The following PDE7B variants were observed in gnomAD, a reference collection of about 807,000 sequenced individuals.
PDE7B encodes 3',5'-cyclic-AMP phosphodiesterase 7B.
In PDE7B, 29 loss-of-function variants were observed where a neutral mutation model predicts 56.2. The ratio of observed to expected loss-of-function variants is 0.52; its 90% CI spans 0.38 to 0.70. The LOEUF is 0.70. Ranked by LOEUF, PDE7B falls within the 30% of genes least tolerant of loss-of-function variation. The pLI is 0.00. For synonymous variants in PDE7B, 197 were observed against 196.9 expected (o/e 1.00, Z 0.00); for missense variants, 490 against 565.0 (o/e 0.87, Z 1.35).
chr6:136,135,730 G>A (rs2128445229), intron 3 of PDE7B, among the ~76,000 whole-genome samples: 1 of 152,180 alleles, frequency 6.6e-6, no homozygotes, highest in East Asian at 1.9e-4. Context: ...AAACTTTAAT[G>A]TCTAGAGATG....
intron 2 of PDE7B, among the ~76,000 whole-genome samples, chr6:135,952,655 C>T (rs1774723124): frequency 6.6e-6 from 1 of 152,078 alleles, no homozygotes; most frequent in Admixed American, 6.6e-5. Context: ...ACTCATCTAT[C>T]TAGATATGAA....
intron 2 of PDE7B, among the ~76,000 whole-genome samples, chr6:135,963,677 CA>C (rs1204094281): frequency 1.5e-4 from 23 of 151,088 alleles, no homozygotes; most frequent in Non-Finnish European, 3.1e-4. Flanking sequence ...AAAAAATAAA[CA>C]TGAGAAAGAA....
intron 2 of PDE7B, among the ~76,000 whole-genome samples, chr6:136,080,420 G>A (rs1480316776): frequency 6.6e-6 from 1 of 152,096 alleles, no homozygotes; most frequent in Admixed American, 6.6e-5. Context: ...CCCTTCAGAG[G>A]TTTCCTTTCA....
intron 1 of PDE7B, among the ~76,000 whole-genome samples, chr6:135,925,773 C>A (rs1441429539): frequency 6.6e-6 from 1 of 152,160 alleles, no homozygotes; most frequent in East Asian, 1.9e-4. Flanking sequence ...ACCCAAATAG[C>A]TTTTCAAAAA....
At chr6:136,176,927 T>C (rs1778987059) in intron 9 of PDE7B, among the ~76,000 whole-genome samples, 2 of 152,182 alleles carry the variant, frequency 1.3e-5, no homozygotes, top group Admixed American at 6.5e-5. Context: ...ATATTTAATA[T>C]CACTTTATTT....
At chr6:136,145,037 T>A (rs1600619) in intron 3 of PDE7B, among the ~76,000 whole-genome samples, 70,535 of 151,950 alleles carry the variant, frequency 0.46, 17,031 homozygotes, top group African/African-American at 0.61. Context: ...CTTTTTAAAC[T>A]TTCATTTAAT....
intron 2 of PDE7B, among the ~76,000 whole-genome samples, chr6:136,024,638 A>G (rs2128208444): frequency 6.6e-6 from 1 of 152,170 alleles, no homozygotes. Flanking sequence ...TGGAATGCCT[A>G]CTTTGTGCCT....
chr6:135,868,164 CT>C (rs61323642), intron 1 of PDE7B, among the ~76,000 whole-genome samples: 20,351 of 147,278 alleles, frequency 0.14, 2,302 homozygotes, highest in African/African-American at 0.31. Context: ...CACAACATAG[CT>C]TTTTTTTTTT....
intron 1 of PDE7B, among the ~76,000 whole-genome samples, chr6:135,907,339 A>G (rs1405949297): frequency 1.3e-5 from 2 of 152,172 alleles, no homozygotes; most frequent in African/African-American, 4.8e-5. Context: ...TCCTTAAACC[A>G]GTAAAATTGT....
At chr6:135,986,497 T>C (rs546492115) in intron 2 of PDE7B, among the ~76,000 whole-genome samples, 1 of 152,298 alleles carries the variant, frequency 6.6e-6, no homozygotes, top group South Asian at 2.1e-4. Context: ...TGGAACAGAA[T>C]AGTGGTTAGA....
intron 1 of PDE7B, among the ~76,000 whole-genome samples, chr6:135,865,248 CTCCCA>C (rs1775232631): frequency 6.6e-6 from 1 of 152,100 alleles, no homozygotes. Flanking sequence ...AATGTTCCTA[CTCCCA>C]TTACTTACCT....
intron 2 of PDE7B, among the ~76,000 whole-genome samples, chr6:136,028,907 C>T (rs879337131): frequency 5.3e-5 from 8 of 152,284 alleles, no homozygotes; most frequent in Admixed American, 2.6e-4. Context: ...CATTATTCTG[C>T]CTACTATACA....
intron 2 of PDE7B, among the ~76,000 whole-genome samples, chr6:136,018,759 A>G (rs1451290337): frequency 1.3e-5 from 2 of 151,900 alleles, no homozygotes; most frequent in African/African-American, 4.8e-5. Flanking sequence ...AAATATATTT[A>G]TATATTATTT....
At chr6:136,087,953 G>A (rs1018649201) in intron 2 of PDE7B, among the ~76,000 whole-genome samples, 1 of 152,086 alleles carries the variant, frequency 6.6e-6, no homozygotes, top group Non-Finnish European at 1.5e-5. Context: ...ATTATCCATG[G>A]TTTCAACAAG....
At chr6:136,134,539 C>T (rs1562501431) in intron 3 of PDE7B, among the ~76,000 whole-genome samples, 2 of 152,128 alleles carry the variant, frequency 1.3e-5, no homozygotes, top group East Asian at 3.9e-4. Context: ...ACTTGATCTG[C>T]TTCTTACTAA....
At chr6:136,160,730 C>A (rs1778690247) in intron 8 of PDE7B, among the ~76,000 whole-genome samples, 1 of 152,174 alleles carries the variant, frequency 6.6e-6, no homozygotes, top group Non-Finnish European at 1.5e-5. Context: ...TCTGATCTGA[C>A]CCCTGCCAGT....
Position 135,989,234 on chromosome 6 carries a change from A to G in PDE7B, c.82+41710A>G, listed in dbSNP as rs140003799. On this transcript the variant is annotated intron_variant, in intron 2 of 12. Transcript: ENST00000308191. ...ACTAAACTTACTAGAAAATGAGATG[A>G]TAAGGGCAGGACAGTATCTATTTTA... is the stretch of plus-strand genomic sequence containing the variant. 2.8e-3 allele frequency among the ~76,000 whole-genome samples: 419 copies of G among 152,342 alleles called. 1 individual carries two copies. The highest frequency in any genetic ancestry group is 9.4e-3 in the African/African-American group (390 of 41,576).
intron 8 of PDE7B, among the ~76,000 whole-genome samples, chr6:136,167,347 G>A (rs758045129): frequency 6.6e-6 from 1 of 152,008 alleles, no homozygotes; most frequent in African/African-American, 2.4e-5. Flanking sequence ...TAAATTCTGT[G>A]TCATGGGGGG....
chr6:136,084,141 A>T (rs1260956332), intron 2 of PDE7B, among the ~76,000 whole-genome samples: 1 of 149,390 alleles, frequency 6.7e-6, no homozygotes, highest in Non-Finnish European at 1.5e-5. Flanking sequence ...TTCAATCCCT[A>T]ACTCTCCAAA....
Sources: gnomAD v4.1 joint callset for allele counts (sites outside exome capture counted in the v4.1 genomes callset) on GRCh38, gnomAD v4.1.1 for gene constraint, MANE v1.5 for transcripts, NCBI Gene and HGNC (gene_info 2026-07-23, HGNC 2026-07-21) for gene names.